Variants in ITCH observed in about 807,000 individuals in gnomAD.
ITCH encodes the protein itchy E3 ubiquitin protein ligase.
Under a neutral mutation model 126.8 loss-of-function variants are expected in ITCH, and 28 were observed. The observed-to-expected ratio is 0.22, with a 90% CI of 0.16 to 0.30. The LOEUF is 0.30. ITCH is among the 10% of genes least tolerant of loss of function. The pLI, the probability that ITCH is intolerant of heterozygous loss-of-function variation, is 1.00. For synonymous variants in ITCH, 342 were observed against 340.0 expected, an observed-to-expected ratio of 1.01 and a Z score of -0.06; for missense variants, 631 against 1,032.4, an observed-to-expected ratio of 0.61 and a Z score of 5.33.
chr20:34,445,306 A>G lies in ITCH; in HGVS notation c.985A>G (p.Asn329Asp), dbSNP rs758376235. The change falls in exon 11 of 25, where the codon AAC (asparagine) becomes GAC (aspartate). Residue 329 changes from asparagine to aspartate, a missense_variant. Physicochemically the swap from Asn to Asp is conservative, Grantham distance 23. This residue lies in a region of ITCH where 390 missense variants were observed against 731.6 expected (regional missense o/e 0.53). Transcript: ENST00000374864. ...ATTTAGCTGGGAACGGCGGGTTGAC[A>G]ACATGGGACGTATTTATTATGTTGA... ...LPPGWERRVD[N>D]MGRIYYVDHF... 6.2e-7 allele frequency: 1 copy of G among 1,609,792 alleles called. No homozygotes were observed. Among genetic ancestry groups the G allele is most frequent in the Non-Finnish European group, 8.5e-7 (1 of 1,179,028 alleles).
At chr20:34,409,180 G>A (rs973706441) in intron 4 of ITCH, among the ~76,000 whole-genome samples, 3 of 129,258 alleles carry the variant, frequency 2.3e-5, no homozygotes, top group Non-Finnish European at 4.7e-5. Flanking sequence ...TAAAAATAGT[G>A]TTTTAGTTAG....
chr20:34,466,247 TGCA>T, intron 14 of ITCH: 1 of 394,662 alleles, frequency 2.5e-6, no homozygotes, highest in African/African-American at 2.1e-5. Context: ...GAACCTTTTT[TGCA>T]TTCCAGGAAT....
intron 13 of ITCH, among the ~76,000 whole-genome samples, chr20:34,461,081 A>T (rs1326126500): frequency 6.6e-6 from 1 of 152,126 alleles, no homozygotes; most frequent in Non-Finnish European, 1.5e-5. Context: ...AATATGGGAC[A>T]AAAGGAAAGG....
intron 11 of ITCH, among the ~76,000 whole-genome samples, chr20:34,448,746 C>T (rs575680784): frequency 2.6e-5 from 4 of 152,228 alleles, no homozygotes; most frequent in African/African-American, 9.6e-5. Flanking sequence ...CTTAATATCT[C>T]TACACAGAGT....
intron 1 of ITCH, among the ~76,000 whole-genome samples, chr20:34,364,754 G>T (rs2037348898): frequency 8.0e-6 from 1 of 125,232 alleles, no homozygotes; most frequent in African/African-American, 3.3e-5. Context: ...TCCTGGGCGT[G>T]GTGGCGCGCG....
At chr20:34,463,067 A>C (rs1463414006) in intron 14 of ITCH, among the ~76,000 whole-genome samples, 1 of 152,124 alleles carries the variant, frequency 6.6e-6, no homozygotes, top group Non-Finnish European at 1.5e-5. Context: ...ATTGGTATAT[A>C]ATTTTCTGCT....
At chr20:34,459,768 AT>A (rs1428737084) in intron 13 of ITCH, among the ~76,000 whole-genome samples, 2 of 152,204 alleles carry the variant, frequency 1.3e-5, no homozygotes, top group African/African-American at 4.8e-5. Flanking sequence ...ATAAAAAAAG[AT>A]ATGCTTTCAA....
intron 6 of ITCH, among the ~76,000 whole-genome samples, chr20:34,418,174 A>G (rs542548888): frequency 1.8e-3 from 275 of 152,030 alleles, no homozygotes; most frequent in African/African-American, 6.3e-3. Context: ...TCTGTTGCCC[A>G]GGGTGGTCTC....
At chr20:34,379,905 C>CCG (rs1568864444) in intron 2 of ITCH, among the ~76,000 whole-genome samples, 1 of 129,642 alleles carries the variant, frequency 7.7e-6, no homozygotes, top group African/African-American at 3.0e-5. Flanking sequence ...CCCCCCCCCC[C>CCG]CTTTTTTTTT....
At chr20:34,506,800 C>A (rs371104221) in intron 24 of ITCH, among the ~76,000 whole-genome samples, 1 of 152,166 alleles carries the variant, frequency 6.6e-6, no homozygotes, top group Non-Finnish European at 1.5e-5. Context: ...TTTAGTACTT[C>A]GTAAGTGTAG....
intron 1 of ITCH, among the ~76,000 whole-genome samples, chr20:34,367,984 G>C (rs2037479195): frequency 6.6e-6 from 1 of 152,128 alleles, no homozygotes; most frequent in African/African-American, 2.4e-5. Context: ...AGAAATTTGT[G>C]TTAGGGCCGG....
chr20:34,466,939 C>T lies in ITCH; in HGVS notation c.1425-3109C>T, dbSNP rs369762808. Among the ~76,000 whole-genome samples the T allele has an allele frequency of 3.9e-5, 6 of 151,960 alleles. No individual in the cohort carries two copies. In the East Asian group the frequency reaches 7.7e-4, roughly 20 times the overall value. On this transcript the variant is annotated intron_variant, in intron 14 of 24. Transcript: ENST00000374864. Reference sequence around the variant, plus strand: ...GTACAAGAAAGGAAATAAATAAAAGCAGAACTCAGTGAAGTGGAAAAGAAA... The same window carrying T: ...GTACAAGAAAGGAAATAAATAAAAGTAGAACTCAGTGAAGTGGAAAAGAAA...
At chr20:34,428,552 G>A (rs6059827) in intron 7 of ITCH, among the ~76,000 whole-genome samples, 68,048 of 151,946 alleles carry the variant, frequency 0.45, 15,796 homozygotes, top group Non-Finnish European at 0.5. Context: ...AGATTTTGTC[G>A]TTAGATGTGC....
At chr20:34,417,937 A>T (rs1980171026) in intron 6 of ITCH, among the ~76,000 whole-genome samples, 1 of 151,652 alleles carries the variant, frequency 6.6e-6, no homozygotes, top group Non-Finnish European at 1.5e-5. Context: ...AGTTTTCCTA[A>T]AGAGAAAGAA....
chr20:34,398,317 C>T (rs2038748661), intron 3 of ITCH, among the ~76,000 whole-genome samples: 1 of 152,096 alleles, frequency 6.6e-6, no homozygotes, highest in Non-Finnish European at 1.5e-5. Flanking sequence ...CCCACCTCAG[C>T]CTCCTAAATT....
At chr20:34,394,224 AAAAAAAAACTT>A (rs1406369429) in intron 3 of ITCH, among the ~76,000 whole-genome samples, 1 of 151,862 alleles carries the variant, frequency 6.6e-6, no homozygotes, top group Non-Finnish European at 1.5e-5. Flanking sequence ...AAAAAAAAAA[AAAAAAAAACTT>A]AAGAGAACAA....
rs1158876960 is a variant in ITCH at position 34,448,880 on chromosome 20, C to T, written c.1141-531C>T. On this transcript the variant is annotated intron_variant, in intron 11 of 24. Coordinates refer to ENST00000374864, the MANE Select transcript of ITCH (RefSeq NM_031483.7). ...CAGAACTTTTAAGAAGTCTTCCATA[C>T]AGTTCTAGGCTCATTAACACTTTCC... Among the ~76,000 whole-genome samples, 3 of 152,208 alleles carry T rather than the reference C, an allele frequency of 2.0e-5. No individual in the cohort carries two copies. The East Asian group carries it at 5.8e-4, about 29-fold the overall frequency.
chr20:34,492,959 T>C (rs1216747439), intron 23 of ITCH, among the ~76,000 whole-genome samples: 1 of 152,202 alleles, frequency 6.6e-6, no homozygotes, highest in Non-Finnish European at 1.5e-5. Context: ...AGTTTTAGTA[T>C]TGTGTTTAAA....
At chr20:34,499,272 CTTTTTTTTTTTTT>C (rs386393666) in intron 23 of ITCH, among the ~76,000 whole-genome samples, 71 of 23,036 alleles carry the variant, frequency 3.1e-3, no homozygotes, top group African/African-American at 8.1e-3. Context: ...CTGTGCCCAG[CTTTTTTTTTTTTT>C]TTTTTTTTTT....
Sources: allele counts gnomAD v4.1 joint callset (sites outside exome capture counted in the v4.1 genomes callset), GRCh38; gene constraint gnomAD v4.1.1; regional missense constraint gnomAD v4.1.1; transcripts MANE v1.5; gene names NCBI Gene and HGNC (gene_info 2026-07-23, HGNC 2026-07-21).